The following CDH4 variants were observed in gnomAD, a reference collection of about 807,000 sequenced individuals.
CDH4 encodes the protein cadherin 4.
Under a neutral mutation model 86.0 loss-of-function variants are expected in CDH4, and 33 were observed. The observed-to-expected ratio is 0.38, with a 90% CI of 0.29 to 0.51. The LOEUF (loss-of-function observed/expected upper bound fraction) is 0.51. Among genes scored for constraint, CDH4 ranks in the 20% least tolerant of loss-of-function variants. The pLI is 0.86. For synonymous variants in CDH4, 555 were observed against 549.4 expected (o/e 1.01, Z -0.14); for missense variants, 1,114 against 1,307.4 (o/e 0.85, Z 2.28).
intron 2 of CDH4, among the ~76,000 whole-genome samples, chr20:61,451,148 CTGCCACCTG>C (rs1229747729): frequency 6.7e-6 from 1 of 148,400 alleles, no homozygotes; most frequent in Non-Finnish European, 1.5e-5. Flanking sequence ...CCGTGTCATC[CTGCCACCTG>C]TGCATGTTTC....
chr20:61,560,229 C>T (rs912177712), intron 2 of CDH4, among the ~76,000 whole-genome samples: 4 of 152,188 alleles, frequency 2.6e-5, no homozygotes, highest in Non-Finnish European at 4.4e-5. Flanking sequence ...TATCAAGGCC[C>T]GGGTAGCAGA....
At chr20:61,471,308 T>C (rs981998578) in intron 2 of CDH4, among the ~76,000 whole-genome samples, 5 of 152,086 alleles carry the variant, frequency 3.3e-5, no homozygotes, top group Admixed American at 6.5e-5. Context: ...CAACTTATTG[T>C]CATACAGTTG....
intron 4 of CDH4, among the ~76,000 whole-genome samples, chr20:61,814,971 A>T (rs1426265772): frequency 6.6e-6 from 1 of 152,158 alleles, no homozygotes; most frequent in Non-Finnish European, 1.5e-5. Flanking sequence ...TGCCCGTGTA[A>T]GCATAGGTGC....
At chr20:61,293,664 C>T (rs1600841078) in intron 2 of CDH4, among the ~76,000 whole-genome samples, 1 of 152,320 alleles carries the variant, frequency 6.6e-6, no homozygotes, top group South Asian at 2.1e-4. Context: ...TTCTCCAAGC[C>T]TCGGTTTTCT....
At chr20:61,760,116 A>G (rs2088615211) in intron 3 of CDH4, among the ~76,000 whole-genome samples, 1 of 148,522 alleles carries the variant, frequency 6.7e-6, no homozygotes, top group African/African-American at 2.5e-5. Context: ...GTCAGCCACA[A>G]TTCCTTATCC....
intron 2 of CDH4, among the ~76,000 whole-genome samples, chr20:61,493,839 G>A (rs1031187549): frequency 6.6e-6 from 1 of 152,226 alleles, no homozygotes. Context: ...TTCCGCTACA[G>A]GTGGCCCCCA....
In CDH4 at chr20:61,883,355, A is replaced by C. The variant is rs76074421; in HGVS notation, c.1050+9455A>C. Among the ~76,000 whole-genome samples, 96 of 152,134 alleles carry C rather than the reference A, an allele frequency of 6.3e-4. 2 individuals are homozygous for C. The East Asian group carries it at 0.018, about 28-fold the overall frequency. On this transcript the variant is annotated intron_variant, in intron 7 of 15. Transcript: ENST00000614565. ...CTCCTCCCCTAGAGCCATGCTTCCA[A>C]CCTAGGGCGACGTCTTTCTTGGGAC...
intron 4 of CDH4, among the ~76,000 whole-genome samples, chr20:61,805,771 G>T (rs994214286): frequency 1.3e-5 from 2 of 152,198 alleles, no homozygotes; most frequent in Non-Finnish European, 2.9e-5. Context: ...CTCTCACACC[G>T]GCCATCACCC....
intron 4 of CDH4, among the ~76,000 whole-genome samples, chr20:61,781,569 A>G (rs561319208): frequency 6.6e-6 from 1 of 152,370 alleles, no homozygotes; most frequent in East Asian, 1.9e-4. Flanking sequence ...AAGATGGATC[A>G]ATACAATTAT....
chr20:61,522,521 G>C (rs1428358247), intron 2 of CDH4, among the ~76,000 whole-genome samples: 2 of 152,250 alleles, frequency 1.3e-5, no homozygotes, highest in Non-Finnish European at 2.9e-5. Flanking sequence ...AATGGTTATG[G>C]TTAGCATAAA....
chr20:61,851,017 C>T (rs535043295), intron 5 of CDH4, among the ~76,000 whole-genome samples: 7 of 151,740 alleles, frequency 4.6e-5, no homozygotes, highest in East Asian at 3.9e-4. Context: ...ACTTTTCCCC[C>T]GAGGCCCTGT....
intron 8 of CDH4, among the ~76,000 whole-genome samples, chr20:61,909,543 G>A (rs2054827234): frequency 6.6e-6 from 1 of 152,170 alleles, no homozygotes; most frequent in South Asian, 2.1e-4. Flanking sequence ...ACTCCAGGGA[G>A]AACCCTTCCT....
Position 61,254,936 on chromosome 20 carries a change from A to G in CDH4, c.168A>G (p.Gln56=), listed in dbSNP as rs746842300. The G allele has an allele frequency of 4.5e-6, 7 of 1,557,854 alleles. No individual in the cohort carries two copies. Among genetic ancestry groups the G allele is most frequent in the East Asian group, 2.2e-5 (1 of 44,566 alleles). Residue 56 remains glutamine, a splice_region_variant and synonymous_variant, in exon 2 of 16, where the codon CAA becomes CAG. Coordinates refer to ENST00000614565, the MANE Select transcript of CDH4 (RefSeq NM_001794.5). ...QNILEGEKLL[Q]VKFSSCVGTK... is the part of the protein sequence containing the mutation. ...TTCTAGAAGGGGAAAAGCTACTTCA[A>G]GGTAAGGCGGGGTGTGGAGGGGTGG... is the stretch of plus-strand genomic sequence containing the variant.
intron 2 of CDH4, among the ~76,000 whole-genome samples, chr20:61,451,318 T>C (rs1536773): frequency 0.78 from 118,775 of 151,928 alleles, 47,359 homozygotes; most frequent in African/African-American, 0.95. Context: ...GCGTCTCAGC[T>C]GCGTCAGAGT....
chr20:61,793,710 GAC>G lies in CDH4; in HGVS notation c.576+20531_576+20532del, dbSNP rs1327381570. Among the ~76,000 whole-genome samples the G allele has an allele frequency of 7.2e-5, 11 of 151,994 alleles. 1 individual carries two copies. In the South Asian group the frequency reaches 2.3e-3, roughly 32 times the overall value. Reference sequence around the variant, plus strand: ...CAAAAATTAGCTGGGCATGGTGGCAGACACCTGTAATCCCAGCTACTTGGGAG... The same window carrying G: ...CAAAAATTAGCTGGGCATGGTGGCAGACCTGTAATCCCAGCTACTTGGGAG... On this transcript the variant is annotated intron_variant, in intron 4 of 15. Coordinates refer to ENST00000614565, the MANE Select transcript of CDH4 (RefSeq NM_001794.5).
intron 2 of CDH4, among the ~76,000 whole-genome samples, chr20:61,262,496 G>T (rs756605651): frequency 6.6e-6 from 1 of 152,296 alleles, no homozygotes; most frequent in East Asian, 1.9e-4. Flanking sequence ...CTGGGACTGC[G>T]TGGCGACTGG....
rs1167352535 is a variant in CDH4, at chr20:61,501,799, CTT to C, written c.170-241761_170-241760del. Among the ~76,000 whole-genome samples, 1 of 152,180 alleles carries C rather than the reference CTT, an allele frequency of 6.6e-6. No individual in the cohort carries two copies. Among genetic ancestry groups the C allele is most frequent in the Non-Finnish European group, 1.5e-5 (1 of 68,044 alleles). Reference sequence around the variant, plus strand: ...GGACCACCAGACGCGACTAATGAAACTTTTCTGTTCTCTCCTTTCTAGGTAAG... The same window carrying C: ...GGACCACCAGACGCGACTAATGAAACTTCTGTTCTCTCCTTTCTAGGTAAG... On this transcript the variant is annotated intron_variant, in intron 2 of 15. Transcript: ENST00000614565. The surrounding 1 kb of genome is among the most constrained non-coding windows in gnomAD (Gnocchi z 4.2).
At chr20:61,326,137 C>G in intron 2 of CDH4, among the ~76,000 whole-genome samples, 1 of 152,180 alleles carries the variant, frequency 6.6e-6, no homozygotes, top group East Asian at 1.9e-4. Context: ...GGTGGCAGGT[C>G]CAAGTTTTTC....
intron 2 of CDH4, among the ~76,000 whole-genome samples, chr20:61,323,017 G>A (rs2084517005): frequency 6.6e-6 from 1 of 152,290 alleles, no homozygotes; most frequent in East Asian, 1.9e-4. Context: ...GTGCAGAGTT[G>A]AGACTTCCAG....
Sources: allele counts gnomAD v4.1 joint callset (sites outside exome capture counted in the v4.1 genomes callset), GRCh38; gene constraint gnomAD v4.1.1; non-coding constraint Gnocchi (gnomAD v3.1); transcripts MANE v1.5; gene names NCBI Gene and HGNC (gene_info 2026-07-23, HGNC 2026-07-21).